Variants in EYA1 observed in about 807,000 individuals in gnomAD.
EYA1 encodes EYA transcriptional coactivator and phosphatase 1, also known as protein phosphatase EYA1.
A neutral mutation model predicts 82.0 loss-of-function variants in EYA1; 16 were observed. The ratio of observed to expected loss-of-function variants is 0.20; its 90% CI spans 0.13 to 0.30. The LOEUF (loss-of-function observed/expected upper bound fraction) is 0.30. Among genes scored for constraint, EYA1 ranks in the 10% least tolerant of loss-of-function variants. EYA1 has a pLI of 1.00. For synonymous variants in EYA1, 261 were observed against 264.4 expected, an observed-to-expected ratio of 0.99 and a Z score of 0.12; for missense variants, 633 against 730.7, an observed-to-expected ratio of 0.87 and a Z score of 1.54.
intron 16 of EYA1, among the ~76,000 whole-genome samples, chr8:71,212,403 G>A (rs1808621282): frequency 6.6e-6 from 1 of 152,164 alleles, no homozygotes; most frequent in African/African-American, 2.4e-5. Context: ...AGTCTTCACT[G>A]CAAAAATATA....
At chr8:71,265,418 T>A (rs750495272) in intron 11 of EYA1, among the ~76,000 whole-genome samples, 1 of 152,244 alleles carries the variant, frequency 6.6e-6, no homozygotes, top group Non-Finnish European at 1.5e-5. Context: ...CTTTACACTA[T>A]CTTAAGTGTT....
intron 3 of EYA1, among the ~76,000 whole-genome samples, chr8:71,342,763 T>C (rs1825287788): frequency 6.6e-6 from 1 of 152,208 alleles, no homozygotes. Flanking sequence ...GTACTTGCTC[T>C]CCAACTACTG....
intron 2 of EYA1, among the ~76,000 whole-genome samples, chr8:71,502,561 A>G (rs967519470): frequency 6.6e-6 from 1 of 152,264 alleles, no homozygotes; most frequent in Admixed American, 6.5e-5. Flanking sequence ...TATTTGAGAC[A>G]CACTTTTACC....
In EYA1 at chr8:71,201,825, C is replaced by T. The variant is rs573753046; in HGVS notation, c.1699-2405G>A. The stretch of plus-strand genomic sequence containing the variant: ...TGCAGTGTTGCTATTTAACCACCTA[C>T]TTGGTATCTATTTTTATATTCTCTT... On this transcript the variant is annotated intron_variant, in intron 17 of 17. Coordinates refer to ENST00000340726, the MANE Select transcript of EYA1 (RefSeq NM_000503.6). Among the ~76,000 whole-genome samples, 63 of 152,272 alleles carry T rather than the reference C, an allele frequency of 4.1e-4. 1 individual carries two copies. Among genetic ancestry groups the T allele is most frequent in the African/African-American group, 1.4e-3 (59 of 41,574 alleles).
chr8:71,491,946 G>A (rs190937999), intron 2 of EYA1, among the ~76,000 whole-genome samples: 7 of 151,972 alleles, frequency 4.6e-5, no homozygotes, highest in Admixed American at 2.6e-4. Context: ...TGACTTGATT[G>A]TACCAAGCAT....
intron 4 of EYA1, among the ~76,000 whole-genome samples, chr8:71,326,610 C>G (rs1031271719): frequency 1.2e-4 from 19 of 152,216 alleles, no homozygotes; most frequent in Non-Finnish European, 2.5e-4. Context: ...ACCAGGGATA[C>G]TAAGGCAGGC....
intron 2 of EYA1, among the ~76,000 whole-genome samples, chr8:71,477,615 T>C (rs1256673803): frequency 6.6e-6 from 1 of 151,964 alleles, no homozygotes; most frequent in Admixed American, 6.6e-5. Flanking sequence ...CCCTCATGTA[T>C]TGCAGTGGGG....
intron 12 of EYA1, among the ~76,000 whole-genome samples, chr8:71,241,253 G>A (rs1812453463): frequency 6.6e-6 from 1 of 151,936 alleles, no homozygotes; most frequent in Non-Finnish European, 1.5e-5. Flanking sequence ...TATAAATTGT[G>A]ATTTTCTTTA....
intron 2 of EYA1, among the ~76,000 whole-genome samples, chr8:71,393,807 C>A (rs1050203576): frequency 3.3e-5 from 5 of 152,044 alleles, no homozygotes; most frequent in African/African-American, 1.2e-4. Flanking sequence ...GGGTATATGC[C>A]CAATAATGGG....
chr8:71,353,254 C>A (rs1826488697), intron 3 of EYA1, among the ~76,000 whole-genome samples: 2 of 152,200 alleles, frequency 1.3e-5, no homozygotes, highest in South Asian at 4.1e-4. Flanking sequence ...GTGACTATAT[C>A]CACACCCAGT....
rs2129071986 is a variant in EYA1, at chr8:71,356,478, C to G, written c.-21G>C. On this transcript the variant is annotated 5_prime_UTR_variant, in exon 2 of 18. Transcript: ENST00000340726. ...TATCCTTACCTGCAACTTGAGGAAA[C>G]AGCAACATCTGAACTGGCTTGAGAT... The G allele has an allele frequency of 6.3e-7, 1 of 1,585,360 alleles. No homozygotes were observed. The highest frequency in any genetic ancestry group is 8.6e-7 in the Non-Finnish European group (1 of 1,164,752).
At chr8:71,534,683 G>A (rs191820387) in intron 2 of EYA1, among the ~76,000 whole-genome samples, 17 of 152,154 alleles carry the variant, frequency 1.1e-4, no homozygotes, top group Non-Finnish European at 2.2e-4. Context: ...GTTCTCACTC[G>A]TAAGTGGGAG....
chr8:71,486,274 C>A (rs1810563521), intron 2 of EYA1, among the ~76,000 whole-genome samples: 1 of 152,112 alleles, frequency 6.6e-6, no homozygotes, highest in African/African-American at 2.4e-5. Context: ...AAGGAATTTT[C>A]CCTTGGGTTG....
chr8:71,438,939 T>C (rs761153436), intron 2 of EYA1, among the ~76,000 whole-genome samples: 17 of 151,938 alleles, frequency 1.1e-4, no homozygotes, highest in Non-Finnish European at 2.4e-4. Flanking sequence ...AATCCTGAGA[T>C]AAGAATTGGC....
chr8:71,461,190 G>A (rs1320638947), intron 2 of EYA1, among the ~76,000 whole-genome samples: 1 of 152,146 alleles, frequency 6.6e-6, no homozygotes, highest in African/African-American at 2.4e-5. Flanking sequence ...TTGCCCAAGA[G>A]GCACCCAAAT....
At chr8:71,316,775 C>T (rs544160689) in intron 7 of EYA1, among the ~76,000 whole-genome samples, 4 of 152,238 alleles carry the variant, frequency 2.6e-5, no homozygotes, top group South Asian at 2.1e-4. Flanking sequence ...AAATATGATT[C>T]GTTGAACTGA....
chr8:71,523,526 TC>T (rs1428742421), intron 2 of EYA1, among the ~76,000 whole-genome samples: 1 of 152,140 alleles, frequency 6.6e-6, no homozygotes, highest in African/African-American at 2.4e-5. Flanking sequence ...GCCACTAACC[TC>T]AGTTACAGTT....
At chr8:71,545,558 C>CTTTTTT (rs34093503) in intron 1 of EYA1, among the ~76,000 whole-genome samples, 7 of 100,348 alleles carry the variant, frequency 7.0e-5, no homozygotes, top group East Asian at 3.2e-4. Context: ...TATTTTGTTC[C>CTTTTTT]TTTTTTTTTT....
intron 17 of EYA1, among the ~76,000 whole-genome samples, chr8:71,203,611 G>C (rs73684713): frequency 0.013 from 1,990 of 152,264 alleles, 42 homozygotes; most frequent in African/African-American, 0.045. Context: ...AGATGTTAAG[G>C]AGGTTTGTCA....
Sources: gnomAD v4.1 joint callset for allele counts (sites outside exome capture counted in the v4.1 genomes callset) on GRCh38, gnomAD v4.1.1 for gene constraint, MANE v1.5 for transcripts, NCBI Gene and HGNC (gene_info 2026-07-23, HGNC 2026-07-21) for gene names.